CFAP46: variants seen among roughly 807,000 people sequenced by gnomAD.
CFAP46 encodes cilia- and flagella-associated protein 46.
Under a neutral mutation model 325.7 loss-of-function variants are expected in CFAP46, and 245 were observed. The ratio of observed to expected loss-of-function variants is 0.75; its 90% CI spans 0.68 to 0.84. The LOEUF (loss-of-function observed/expected upper bound fraction) is 0.84, where lower values mean the gene tolerates loss of function less well. Among genes scored for constraint, CFAP46 ranks in the 40% least tolerant of loss-of-function variants. The probability of loss-of-function intolerance (pLI) is 0.00; values close to 1 mark genes in which losing one functional copy is unlikely to be tolerated. For synonymous variants in CFAP46, 1,523 were observed against 1,495.9 expected, an observed-to-expected ratio of 1.02 and a Z score of -0.42; for missense variants, 3,346 against 3,543.0, an observed-to-expected ratio of 0.94 and a Z score of 1.41.
intron 40 of CFAP46, 76 bp from the exon 41 acceptor site, chr10:132,850,508 C>G: frequency 7.2e-7 from 1 of 1,392,578 alleles, no homozygotes; most frequent in African/African-American, 1.4e-5. Context: ...CCAGTGAGCC[C>G]GCCCTCTGCT....
intron 7 of CFAP46, among the ~76,000 whole-genome samples, chr10:132,935,823 T>C (rs112763682): frequency 1.1e-4 from 9 of 85,482 alleles, no homozygotes; most frequent in African/African-American, 1.4e-4. Flanking sequence ...ATCTCCTCAC[T>C]CCCCTCGGCA....
chr10:132,876,828 G>A lies in CFAP46; in HGVS notation c.4346C>T (p.Ser1449Leu). Residue 1449 changes from serine (S) to leucine (L), a missense_variant, in exon 31 of 58, where the codon TCA (serine) becomes TTA (leucine). Ser to Leu is a moderately radical substitution (Grantham distance 145). Transcript: ENST00000368586. This position sits in a 1 kb window ranked among gnomAD's most constrained non-coding sequence, Gnocchi z 4.1. Reference sequence around the variant, plus strand: ...TCAACGTACCGGCTTCTGGATACTTGAGGGGTTCACAGTAGAGTCACTTCT... The same window carrying A: ...TCAACGTACCGGCTTCTGGATACTTAAGGGGTTCACAGTAGAGTCACTTCT... ...QDRSDSTVNP[S>L]SIQKPTYSLY... The A allele has an allele frequency of 1.3e-6, 2 of 1,550,000 alleles. No individual in the cohort carries two copies. The highest frequency in any genetic ancestry group is 8.7e-7 in the Non-Finnish European group (1 of 1,146,932).
At chr10:132,901,824 C>G (rs1849395872) in intron 22 of CFAP46, among the ~76,000 whole-genome samples, 1 of 152,166 alleles carries the variant, frequency 6.6e-6, no homozygotes, top group Non-Finnish European at 1.5e-5. Flanking sequence ...TTGATTCTGT[C>G]TTCATTTGTG....
At chr10:132,820,061 C>T (rs536052709) in intron 50 of CFAP46, among the ~76,000 whole-genome samples, 5 of 151,762 alleles carry the variant, frequency 3.3e-5, no homozygotes, top group East Asian at 3.9e-4. Flanking sequence ...ACAACCCAAT[C>T]GAAGAACGGG....
chr10:132,885,787 G>A, intron 26 of CFAP46, 34 bp downstream of exon 26: 3 of 1,502,944 alleles, frequency 2.0e-6, no homozygotes, highest in Non-Finnish European at 2.7e-6. Flanking sequence ...AGGCGGTGGA[G>A]GGAGCACTCA....
chr10:132,937,962 G>C (rs1243855289), intron 5 of CFAP46, among the ~76,000 whole-genome samples: 1 of 152,230 alleles, frequency 6.6e-6, no homozygotes, highest in East Asian at 1.9e-4. Flanking sequence ...ACACCTGCAG[G>C]CTGTGGGCTT....
In CFAP46 at chr10:132,817,112, G is replaced by A. The variant is rs765394111; in HGVS notation, c.7118-2198C>T. 6.6e-5 allele frequency among the ~76,000 whole-genome samples: 10 copies of A among 152,158 alleles called. No individual in the cohort carries two copies. Among genetic ancestry groups the A allele is most frequent in the South Asian group, 4.1e-4 (2 of 4,830 alleles). ...TCCAGGCGTGGTAAAATCTCCCAGC[G>A]TTGGGGCTGGCCAACGGCTGCACCC... On this transcript the variant is annotated intron_variant, in intron 50 of 57. Coordinates refer to ENST00000368586, the MANE Select transcript of CFAP46 (RefSeq NM_001200049.3). The surrounding 1 kb of genome is among the most constrained non-coding windows in gnomAD (Gnocchi z 4.4).
chr10:132,909,048 T>C (rs1256424788), intron 21 of CFAP46, 89 bp downstream of exon 21: 3 of 921,408 alleles, frequency 3.3e-6, no homozygotes, highest in Non-Finnish European at 5.0e-6. Flanking sequence ...GCATGCACGA[T>C]GGGGCTCGAG....
At chr10:132,814,376 C>G in intron 53 of CFAP46, 122 bp from the exon 54 acceptor site, 1 of 1,059,730 alleles carries the variant, frequency 9.4e-7, no homozygotes, top group Non-Finnish European at 1.4e-6. Flanking sequence ...CCTGCCATGC[C>G]CGGGTGGGGT....
chr10:132,931,257 G>A (rs1347792599), intron 8 of CFAP46, among the ~76,000 whole-genome samples: 2 of 55,974 alleles, frequency 3.6e-5, no homozygotes, highest in Admixed American at 4.9e-4. Flanking sequence ...CACTCCCCAC[G>A]CAGAGCCTGG....
At chr10:132,883,375 T>G (rs1010501882) in intron 27 of CFAP46, among the ~76,000 whole-genome samples, 3 of 152,236 alleles carry the variant, frequency 2.0e-5, no homozygotes, top group Admixed American at 6.5e-5. Context: ...CATGGGAATA[T>G]GCACCCCATC....
chr10:132,835,105 A>C (rs762339678), intron 47 of CFAP46, among the ~76,000 whole-genome samples, 199 bp downstream of exon 47: 10 of 152,252 alleles, frequency 6.6e-5, no homozygotes, highest in Non-Finnish European at 1.5e-4. Flanking sequence ...GACATGGCCA[A>C]GGAGCCCAAG....
chr10:132,809,980 C>T (rs574075320), intron 57 of CFAP46, among the ~76,000 whole-genome samples: 14 of 152,326 alleles, frequency 9.2e-5, no homozygotes, highest in South Asian at 4.1e-4. Flanking sequence ...AAGGGGCCGT[C>T]GGGCACTGTG....
At chr10:132,888,030 CCCT>C (rs1849191251) in intron 25 of CFAP46, among the ~76,000 whole-genome samples, 2 of 138,426 alleles carry the variant, frequency 1.4e-5, no homozygotes, top group African/African-American at 2.9e-5. Flanking sequence ...CTCTCCTCTC[CCCT>C]CTTCTCTCTC....
intron 9 of CFAP46, chr10:132,929,348 T>C (rs1043350717): frequency 1.6e-6 from 1 of 616,956 alleles, no homozygotes; most frequent in Admixed American, 2.7e-5. Context: ...GAACTGCGGG[T>C]AACGAGGCAC....
Position 132,908,504 on chromosome 10 carries a change from A to G in CFAP46, c.2888T>C (p.Leu963Pro), listed in dbSNP as rs1259600165. 6.4e-7 allele frequency: 1 copy of G among 1,550,558 alleles called. No homozygotes were observed. ...ETTMACAHRA[L>P]EMGIKYLKKF... The stretch of plus-strand genomic sequence containing the variant: ...CTTCAGGTACTTGATGCCCATCTCC[A>G]GAGCCCTGTGAGCACAGGCCATGGT... Residue 963 changes from leucine (L) to proline (P), a missense_variant, in exon 22 of 58, where the codon CTG (leucine) becomes CCG (proline). Coordinates refer to ENST00000368586, the MANE Select transcript of CFAP46 (RefSeq NM_001200049.3).
Position 132,869,458 on chromosome 10 carries a change from C to G in CFAP46, c.4512-86G>C, listed in dbSNP as rs765937656. ...AGCTACTAGTGTGCTTCACAGAAAACGGTCAACTAACACATCGAGGCACAC... is the reference window on the plus strand; with the variant it reads ...AGCTACTAGTGTGCTTCACAGAAAAGGGTCAACTAACACATCGAGGCACAC... On this transcript the variant is annotated intron_variant, in intron 32 of 57. Transcript: ENST00000368586. This position sits in a 1 kb window ranked among gnomAD's most constrained non-coding sequence, Gnocchi z 6.2. 1.1e-6 allele frequency: 1 copy of G among 936,830 alleles called. No individual in the cohort carries two copies. Among genetic ancestry groups the G allele is most frequent in the Non-Finnish European group, 1.5e-6 (1 of 661,534 alleles). The allele number at this position is 936,830 out of a possible 1,614,324, so 58.0% of individuals were successfully genotyped here.
At chr10:132,908,812 C>T (rs1454193018) in intron 21 of CFAP46, among the ~76,000 whole-genome samples, 178 bp from the exon 22 acceptor site, 1 of 152,230 alleles carries the variant, frequency 6.6e-6, no homozygotes, top group East Asian at 1.9e-4. Context: ...CCCTGATGTC[C>T]TTGTAGCTCC....
chr10:132,941,515 G>A (rs1850100942), intron 3 of CFAP46, 76 bp downstream of exon 3: 2 of 1,538,428 alleles, frequency 1.3e-6, no homozygotes, highest in Admixed American at 1.9e-5. Context: ...TTTTAAGCCT[G>A]GTCTAGCCTG....
Sources: allele counts gnomAD v4.1 joint callset (sites outside exome capture counted in the v4.1 genomes callset), GRCh38; gene constraint gnomAD v4.1.1; non-coding constraint Gnocchi (gnomAD v3.1); transcripts MANE v1.5; gene names NCBI Gene and HGNC (gene_info 2026-07-23, HGNC 2026-07-21).